HSD11B1: variants seen among roughly 807,000 people sequenced by gnomAD.
The protein encoded by HSD11B1 is hydroxysteroid 11-beta dehydrogenase 1.
HSD11B1 carries 15 observed loss-of-function variants against 22.1 expected under a neutral mutation model. That is an observed-to-expected ratio of 0.68 (90% CI 0.45 to 1.04). The LOEUF (loss-of-function observed/expected upper bound fraction) is 1.04. Ranked by LOEUF, HSD11B1 falls within the 50% of genes least tolerant of loss-of-function variation. HSD11B1 has a pLI of 0.00. For missense variants in HSD11B1, 281 were observed against 357.6 expected (o/e 0.79, Z 1.73); for synonymous variants, 122 against 125.2 (o/e 0.97, Z 0.17).
In HSD11B1 at chr1:209,687,799, C is replaced by A. The variant is rs181735672; in HGVS notation, c.-49+1514C>A. On this transcript the variant is annotated intron_variant, in intron 1 of 6. Coordinates refer to the HSD11B1 transcript ENST00000261465. ...AGATGCTCAAGTAATCTTTCCCTGG[C>A]AGAAATAGAAAGAAGAAAAAGATTT... 5.3e-5 allele frequency among the ~76,000 whole-genome samples: 8 copies of A among 152,236 alleles called. No individual in the cohort carries two copies. The East Asian group carries it at 1.4e-3, about 26-fold the overall frequency.
At chr1:209,702,200 A>G (rs1558188833), upstream of HSD11B1, among the ~76,000 whole-genome samples, 1 of 152,256 alleles carries the variant, frequency 6.6e-6, no homozygotes, top group Non-Finnish European at 1.5e-5. Flanking sequence ...AACCCCAGAA[A>G]GAAGATTTGG....
chr1:209,695,489 A>G (rs2076785436), intron 1 of HSD11B1, among the ~76,000 whole-genome samples: 1 of 152,188 alleles, frequency 6.6e-6, no homozygotes, highest in African/African-American at 2.4e-5. Flanking sequence ...AATAACAGTC[A>G]TTGGAGAACA....
upstream of HSD11B1, among the ~76,000 whole-genome samples, chr1:209,701,997 G>A (rs1157888712): frequency 6.6e-6 from 1 of 152,194 alleles, no homozygotes; most frequent in Non-Finnish European, 1.5e-5. Flanking sequence ...TAGGCTCCAG[G>A]TATCTGCTGA....
At chr1:209,707,345 T>A (rs1262216677) in intron 4 of HSD11B1, among the ~76,000 whole-genome samples, 2 of 151,916 alleles carry the variant, frequency 1.3e-5, no homozygotes. Context: ...TTCTACAAAG[T>A]AAGGTCAAAG....
At chr1:209,712,892 T>C (rs1411637861) in intron 4 of HSD11B1, among the ~76,000 whole-genome samples, 1 of 152,042 alleles carries the variant, frequency 6.6e-6, no homozygotes, top group East Asian at 1.9e-4. Flanking sequence ...CTACCAAAAA[T>C]ACAAAAATTA....
At position 209,687,962 on chromosome 1, in the gene HSD11B1, AT is replaced by A. The variant is rs1191126113; in HGVS notation, c.-49+1680del. On this transcript the variant is annotated intron_variant, in intron 1 of 6. Transcript: ENST00000261465. ...CATTGATCAGCATTTTACATGTCTC[AT>A]TTCTTTATGTAATCTTCATATTATC... Among the ~76,000 whole-genome samples, 4 of 152,206 alleles carry A rather than the reference AT, an allele frequency of 2.6e-5. No homozygotes were observed. The East Asian group carries it at 7.7e-4, about 29-fold the overall frequency.
intron 1 of HSD11B1, among the ~76,000 whole-genome samples, chr1:209,688,392 A>G (rs1558183840): frequency 6.6e-6 from 1 of 152,264 alleles, no homozygotes; most frequent in East Asian, 1.9e-4. Context: ...TATAGTATAC[A>G]TCACGCTATG....
intron 1 of HSD11B1, among the ~76,000 whole-genome samples, chr1:209,698,648 G>T (rs902719460): frequency 5.9e-5 from 9 of 152,224 alleles, no homozygotes; most frequent in African/African-American, 2.2e-4. Context: ...TCTATGCTCA[G>T]ATGTGAATCC....
chr1:209,720,419 A>C (rs1231859442), intron 4 of HSD11B1, among the ~76,000 whole-genome samples: 1 of 152,116 alleles, frequency 6.6e-6, no homozygotes, highest in Non-Finnish European at 1.5e-5. Context: ...ACAACAAGCT[A>C]TCCAGAAAGG....
Position 209,706,746 on chromosome 1 carries a change from C to T in HSD11B1, c.257C>T (p.Ala86Val). ...SHCLELGAAS[A>V]HYIAGTMEDM... ...TGCCTGGAGCTTGGAGCAGCCTCAG[C>T]ACACTACATTGCTGGCACCATGGAA... The change falls in exon 3 of 6, where the codon GCA becomes GTA. Residue 86 changes from alanine to valine, a missense_variant. By Grantham distance (64) the Ala-to-Val change is moderately conservative. Coordinates refer to ENST00000367027, the MANE Select transcript of HSD11B1 (RefSeq NM_005525.4). The surrounding 1 kb of genome is among the most constrained non-coding windows in gnomAD (Gnocchi z 4.0). 1 of 1,614,034 alleles carries T rather than the reference C, an allele frequency of 6.2e-7. No homozygotes were observed. The highest frequency in any genetic ancestry group is 8.5e-7 in the Non-Finnish European group (1 of 1,179,944).
intron 4 of HSD11B1, among the ~76,000 whole-genome samples, chr1:209,718,274 T>C (rs1425059297): frequency 6.6e-6 from 1 of 152,226 alleles, no homozygotes; most frequent in Non-Finnish European, 1.5e-5. Context: ...ATGCTTGTGA[T>C]GATGGATATC....
intron 4 of HSD11B1, among the ~76,000 whole-genome samples, chr1:209,729,726 C>A (rs2077024479): frequency 6.6e-6 from 1 of 152,158 alleles, no homozygotes; most frequent in Non-Finnish European, 1.5e-5. Context: ...ATGCAAAAAT[C>A]CTCAACAAAA....
chr1:209,711,144 G>T (rs900156997), intron 4 of HSD11B1, among the ~76,000 whole-genome samples: 7 of 152,186 alleles, frequency 4.6e-5, no homozygotes, highest in African/African-American at 1.7e-4. Flanking sequence ...ACATTATGAA[G>T]TGGGGGGAGA....
intron 1 of HSD11B1, among the ~76,000 whole-genome samples, chr1:209,690,816 G>A (rs1419761256): frequency 6.6e-6 from 1 of 151,910 alleles, no homozygotes; most frequent in African/African-American, 2.4e-5. Flanking sequence ...AGAAAGATAA[G>A]AAACTTAAAA....
intron 4 of HSD11B1, among the ~76,000 whole-genome samples, chr1:209,713,700 C>T (rs2076912687): frequency 6.6e-6 from 1 of 152,148 alleles, no homozygotes; most frequent in South Asian, 2.1e-4. Flanking sequence ...TTTAAATCCT[C>T]TCTAGATGAC....
At chr1:209,691,129 G>T (rs751930128) in intron 1 of HSD11B1, among the ~76,000 whole-genome samples, 8 of 152,176 alleles carry the variant, frequency 5.3e-5, no homozygotes, top group Non-Finnish European at 7.3e-5. Flanking sequence ...GGACCTCTCA[G>T]TGTCAACACT....
At chr1:209,725,325 G>T (rs912943009) in intron 4 of HSD11B1, among the ~76,000 whole-genome samples, 3 of 152,116 alleles carry the variant, frequency 2.0e-5, no homozygotes, top group African/African-American at 7.2e-5. Context: ...TGTCTGACTA[G>T]CTTCTCACTG....
At chr1:209,696,727 G>A (rs550137407) in intron 1 of HSD11B1, among the ~76,000 whole-genome samples, 1 of 152,326 alleles carries the variant, frequency 6.6e-6, no homozygotes, top group East Asian at 1.9e-4. Context: ...AAGGGAGGAG[G>A]ATATTTGGGG....
intron 4 of HSD11B1, among the ~76,000 whole-genome samples, chr1:209,723,479 G>T (rs1376667975): frequency 1.3e-5 from 2 of 152,134 alleles, no homozygotes; most frequent in Non-Finnish European, 2.9e-5. Flanking sequence ...TCTGTGCGCA[G>T]GTCCTCCCTG....
Sources: allele counts gnomAD v4.1 joint callset (sites outside exome capture counted in the v4.1 genomes callset), GRCh38; gene constraint gnomAD v4.1.1; non-coding constraint Gnocchi (gnomAD v3.1); transcripts MANE v1.5; gene names NCBI Gene and HGNC (gene_info 2026-07-23, HGNC 2026-07-21).